Variants in FRMD4B observed in about 807,000 individuals in gnomAD.
FRMD4B encodes FERM domain containing 4B.
A neutral mutation model predicts 141.5 loss-of-function variants in FRMD4B; 74 were observed. That is an observed-to-expected ratio of 0.52 (90% CI 0.43 to 0.63). The LOEUF is 0.63. FRMD4B is among the 30% of genes least tolerant of loss of function. The pLI is 0.00. For missense variants in FRMD4B, 1,366 were observed against 1,253.4 expected, an observed-to-expected ratio of 1.09 and a Z score of -1.36; for synonymous variants, 506 against 467.9, an observed-to-expected ratio of 1.08 and a Z score of -1.05.
At chr3:69,407,664 T>A (rs1704671692) in intron 2 of FRMD4B, among the ~76,000 whole-genome samples, 1 of 152,222 alleles carries the variant, frequency 6.6e-6, no homozygotes, top group South Asian at 2.1e-4. Flanking sequence ...GTTTTCCACT[T>A]GAATGCCAAG....
At chr3:69,189,842 T>G in intron 18 of FRMD4B, 54 bp downstream of exon 18, 1 of 1,067,894 alleles carries the variant, frequency 9.4e-7, no homozygotes, top group Non-Finnish European at 1.4e-6. Flanking sequence ...AAAATTATCT[T>G]AATTATTTCA....
chr3:69,211,051 T>A (rs1376717247), intron 11 of FRMD4B, among the ~76,000 whole-genome samples: 1 of 116,208 alleles, frequency 8.6e-6, no homozygotes, highest in Non-Finnish European at 1.8e-5. Context: ...GAAAGAAAAT[T>A]TGAGAGTGGA....
intron 1 of FRMD4B, among the ~76,000 whole-genome samples, chr3:69,329,762 C>A (rs1361211175): frequency 1.3e-5 from 2 of 151,352 alleles, no homozygotes; most frequent in Non-Finnish European, 2.9e-5. Flanking sequence ...AAACTCCTGA[C>A]CTCAGGTGAT....
intron 1 of FRMD4B, among the ~76,000 whole-genome samples, chr3:69,344,052 G>A (rs1009985047): frequency 1.3e-5 from 2 of 152,170 alleles, no homozygotes. Context: ...TACATACCCA[G>A]GGAATATGTG....
chr3:69,287,959 T>C, intron 4 of FRMD4B, 123 bp from the exon 5 acceptor site: 1 of 592,232 alleles, frequency 1.7e-6, no homozygotes, highest in East Asian at 2.8e-5. Context: ...GTGCTTTCTT[T>C]TCCGTTTTAA....
chr3:69,276,698 C>T (rs187246212), intron 5 of FRMD4B, among the ~76,000 whole-genome samples: 6 of 152,324 alleles, frequency 3.9e-5, no homozygotes, highest in East Asian at 1.9e-4. Context: ...GACACAGTGG[C>T]TCATGCCTGT....
chr3:69,318,643 G>A (rs978701216), intron 1 of FRMD4B, among the ~76,000 whole-genome samples: 5 of 152,200 alleles, frequency 3.3e-5, no homozygotes, highest in African/African-American at 7.2e-5. Flanking sequence ...TTTGATGCTC[G>A]CTAGCAACAG....
chr3:69,537,224 C>G (rs1701101099), intron 1 of FRMD4B, among the ~76,000 whole-genome samples: 1 of 152,200 alleles, frequency 6.6e-6, no homozygotes, highest in South Asian at 2.1e-4. Flanking sequence ...TAGGGCCCCT[C>G]TGCTGTGAGT....
Position 69,181,229 on chromosome 3 carries a change from A to T in FRMD4B, c.2521T>A (p.Ser841Thr). The change falls in exon 21 of 23, where the codon TCC (serine) becomes ACC (threonine). Residue 841 changes from serine (S) to threonine (T), a missense_variant. Transcript: ENST00000398540. ...CGCTCATATCCATAGTGGGCTGAGG[A>T]CCGGTAGGAAGGGTTGACACTATAC... ...GQYSVNPSYR[S>T]SAHYGYERQR... The T allele has an allele frequency of 6.2e-7, 1 of 1,613,840 alleles. No individual in the cohort carries two copies. Among genetic ancestry groups the T allele is most frequent in the Non-Finnish European group, 8.5e-7 (1 of 1,179,774 alleles).
At chr3:69,286,262 A>G (rs1386431807) in intron 5 of FRMD4B, among the ~76,000 whole-genome samples, 1 of 152,238 alleles carries the variant, frequency 6.6e-6, no homozygotes, top group Admixed American at 6.5e-5. Flanking sequence ...GACTTTTGGT[A>G]CTGTTTAAAT....
At chr3:69,491,656 T>A (rs1378920213) in intron 1 of FRMD4B, among the ~76,000 whole-genome samples, 5 of 152,204 alleles carry the variant, frequency 3.3e-5, no homozygotes, top group Non-Finnish European at 5.9e-5. Flanking sequence ...CTGGCTTCCT[T>A]TTTAACCTAA....
intron 5 of FRMD4B, among the ~76,000 whole-genome samples, chr3:69,268,310 G>A (rs1287371795): frequency 1.3e-5 from 2 of 152,018 alleles, no homozygotes; most frequent in African/African-American, 4.8e-5. Flanking sequence ...CAGGCAGGCA[G>A]CCTAAATAGG....
chr3:69,253,183 A>ATTTTTTTTT (rs5849890), intron 5 of FRMD4B, among the ~76,000 whole-genome samples: 17 of 129,872 alleles, frequency 1.3e-4, no homozygotes, highest in African/African-American at 4.5e-4. Context: ...TATGATTCCT[A>ATTTTTTTTT]TTTTTTTTTT....
At position 69,392,359 on chromosome 3, in the gene FRMD4B, A is replaced by G. The variant is rs371624016; in HGVS notation, c.-1+40275T>C. ...CCTCCCTGAGCACATGACTTTCAGC[A>G]GAGACCTGAAGGCTGAGTACGGGAG... On this transcript the variant is annotated intron_variant, in intron 2 of 5. Coordinates refer to the FRMD4B transcript ENST00000459638. Among the ~76,000 whole-genome samples the G allele has an allele frequency of 2.0e-5, 3 of 152,340 alleles. No homozygotes were observed. In the East Asian group the frequency reaches 5.8e-4, roughly 29 times the overall value.
chr3:69,542,251 C>G (rs1701199064), exon 1 of FRMD4B: 1 of 152,200 alleles, frequency 6.6e-6, no homozygotes, highest in African/African-American at 2.4e-5. Flanking sequence ...CTGTAGACGG[C>G]TACTTTATTG....
At chr3:69,189,128 A>T (rs1345928711) in intron 18 of FRMD4B, among the ~76,000 whole-genome samples, 1 of 147,890 alleles carries the variant, frequency 6.8e-6, no homozygotes, top group East Asian at 2.1e-4. Flanking sequence ...AGGCTGAGGC[A>T]GGAGAATTGC....
At chr3:69,501,252 C>G (rs1453477975) in intron 1 of FRMD4B, among the ~76,000 whole-genome samples, 1 of 116,744 alleles carries the variant, frequency 8.6e-6, no homozygotes, top group Non-Finnish European at 1.7e-5. Flanking sequence ...TTTTTTTTAG[C>G]TAATCAGCTA....
At chr3:69,483,354 C>T (rs1298501435) in intron 1 of FRMD4B, among the ~76,000 whole-genome samples, 1 of 152,054 alleles carries the variant, frequency 6.6e-6, no homozygotes, top group Non-Finnish European at 1.5e-5. Context: ...TCCTTCAGTC[C>T]AAGATTGTAT....
chr3:69,529,501 C>G (rs1238170065), intron 1 of FRMD4B, among the ~76,000 whole-genome samples: 2 of 152,136 alleles, frequency 1.3e-5, no homozygotes, highest in Admixed American at 6.5e-5. Context: ...ATTCCCTTAA[C>G]TCCCAGGCCA....
Sources: gnomAD v4.1 joint callset for allele counts (sites outside exome capture counted in the v4.1 genomes callset) on GRCh38, gnomAD v4.1.1 for gene constraint, MANE v1.5 for transcripts, NCBI Gene and HGNC (gene_info 2026-07-23, HGNC 2026-07-21) for gene names.